B3GALNT2: variants seen among roughly 807,000 people sequenced by gnomAD.
The protein encoded by B3GALNT2 is UDP-GalNAc:beta-1,3-N-acetylgalactosaminyltransferase 2.
B3GALNT2 carries 53 observed loss-of-function variants against 61.1 expected under a neutral mutation model. The ratio of observed to expected loss-of-function variants is 0.87; its 90% CI spans 0.70 to 1.09. B3GALNT2 has a LOEUF of 1.09. B3GALNT2 is among the 50% of genes least tolerant of loss of function. B3GALNT2 has a pLI of 0.00. For missense variants in B3GALNT2, 544 were observed against 623.0 expected, an observed-to-expected ratio of 0.87 and a Z score of 1.35; for synonymous variants, 223 against 237.4, an observed-to-expected ratio of 0.94 and a Z score of 0.56.
chr1:235,489,060 A>G lies in B3GALNT2; in HGVS notation c.361+108T>C, dbSNP rs1436277755. 3.0e-6 allele frequency: 4 copies of G among 1,355,294 alleles called. 1 individual carries two copies. The South Asian group carries it at 5.2e-5, about 18-fold the overall frequency. The allele number at this position is 1,355,294 out of a possible 1,614,324, so 84.0% of individuals were successfully genotyped here. On this transcript the variant is annotated intron_variant, in intron 3 of 11. Transcript: ENST00000366600. ...GCAAGACCCTGTCTCTAAAACACATAATAAAATAAAATAATAAAAAATAAA... is the reference window on the plus strand; with the variant it reads ...GCAAGACCCTGTCTCTAAAACACATGATAAAATAAAATAATAAAAAATAAA...
rs752120743 is a variant in B3GALNT2 at position 235,470,956 on chromosome 1, A to C, written c.656T>G (p.Phe219Cys). The change falls in exon 6 of 12, where the codon TTT becomes TGT. Residue 219 changes from phenylalanine (F) to cysteine (C), a missense_variant. Physicochemically the swap from Phe to Cys is radical, Grantham distance 205. Transcript: ENST00000366600. Reference sequence around the variant, plus strand: ...GCTCTCCCACACGATTGTACCTTCAAAGCTCTTTTGTAGAAAGATGAATAG... The same window carrying C: ...GCTCTCCCACACGATTGTACCTTCACAGCTCTTTTGTAGAAAGATGAATAG... ...PVEQFILPES[F>C]EGTIVWESQD... The C allele has an allele frequency of 3.7e-6, 6 of 1,613,790 alleles. No individual in the cohort carries two copies. Among genetic ancestry groups the C allele is most frequent in the Non-Finnish European group, 5.1e-6 (6 of 1,179,806 alleles).
chr1:235,488,789 C>T (rs569744051), intron 3 of B3GALNT2, among the ~76,000 whole-genome samples: 1 of 149,250 alleles, frequency 6.7e-6, no homozygotes, highest in South Asian at 2.2e-4. Flanking sequence ...CATGGTGGCT[C>T]ATGCCTGCAA....
At chr1:235,452,975 C>G in intron 11 of B3GALNT2, 115 bp downstream of exon 11, 6 of 926,176 alleles carry the variant, frequency 6.5e-6, no homozygotes, top group Non-Finnish European at 9.9e-6. Context: ...CCAAAAAAAT[C>G]TGAAATCCTA....
At chr1:235,471,866 T>C (rs1026937456) in intron 5 of B3GALNT2, among the ~76,000 whole-genome samples, 2 of 152,182 alleles carry the variant, frequency 1.3e-5, no homozygotes, top group Non-Finnish European at 2.9e-5. Context: ...TTTCGCCATG[T>C]TGGCCAGGCT....
intron 4 of B3GALNT2, among the ~76,000 whole-genome samples, chr1:235,481,004 A>ACATTTC (rs962889440): frequency 2.7e-5 from 4 of 150,204 alleles, no homozygotes; most frequent in Non-Finnish European, 5.9e-5. Flanking sequence ...CTTCCAGGCA[A>ACATTTC]CATTTCCTCA....
chr1:235,502,806 CAA>C (rs1685642160), intron 1 of B3GALNT2, among the ~76,000 whole-genome samples: 1 of 152,184 alleles, frequency 6.6e-6, no homozygotes, highest in Non-Finnish European at 1.5e-5. Flanking sequence ...TCACTCATAA[CAA>C]AAGAGAGAAA....
At position 235,470,773 on chromosome 1, in the gene B3GALNT2, A is replaced by G. The variant is rs536250822; in HGVS notation, c.762+77T>C. ...ATTGCTCCATGCTGCCTGGGCTCTA[A>G]GGTAAATTTTAGAACAATTTTATAT... On this transcript the variant is annotated intron_variant, in intron 6 of 11. Coordinates refer to ENST00000366600, the MANE Select transcript of B3GALNT2 (RefSeq NM_152490.5). 47 of 1,545,170 alleles carry G rather than the reference A, an allele frequency of 3.0e-5. No individual in the cohort carries two copies. In the African/African-American group the frequency reaches 5.7e-4, roughly 19 times the overall value.
At position 235,451,488 on chromosome 1, in the gene B3GALNT2, A is replaced by AAAAAG. The variant is rs1553342379; in HGVS notation, c.1369-1153_1369-1149dup. 138 of 151,976 alleles carry AAAAAG rather than the reference A, an allele frequency of 9.1e-4. 1 individual carries two copies. The highest frequency in any genetic ancestry group is 3.0e-3 in the African/African-American group (125 of 41,450). 9.4% of individuals were successfully genotyped at this position (151,976 alleles called of 1,614,324 possible). A position where few individuals can be genotyped will look rare whatever the true frequency, so the allele number is the denominator to read the frequency against. On this transcript the variant is annotated intron_variant, in intron 11 of 11. Transcript: ENST00000366600. ...AGATGGTCACAAAAAAAAAAAAAAA[A>AAAAAG]AAAAGACCGCATCAGAAAACAAGCG...
downstream of B3GALNT2, chr1:235,442,965 T>C (rs1464576252): frequency 3.2e-6 from 5 of 1,581,504 alleles, no homozygotes; most frequent in Non-Finnish European, 4.3e-6. Context: ...GGCCTAGGTA[T>C]GAGTCAGCTA....
At chr1:235,469,050 T>C (rs192201164) in intron 6 of B3GALNT2, among the ~76,000 whole-genome samples, 1 of 152,302 alleles carries the variant, frequency 6.6e-6, no homozygotes, top group East Asian at 1.9e-4. Context: ...CCTACAAATC[T>C]AAATGTATAA....
chr1:235,497,575 A>T (rs1488300213), intron 1 of B3GALNT2, among the ~76,000 whole-genome samples: 1 of 152,242 alleles, frequency 6.6e-6, no homozygotes, highest in Non-Finnish European at 1.5e-5. Flanking sequence ...ATCACTTTTA[A>T]TTCCAATAAT....
At chr1:235,483,714 T>C (rs1684662009) in intron 4 of B3GALNT2, among the ~76,000 whole-genome samples, 1 of 151,134 alleles carries the variant, frequency 6.6e-6, no homozygotes, top group African/African-American at 2.5e-5. Context: ...TAGAATGTAG[T>C]TAGTGGCTAT....
rs771592523 is a variant in B3GALNT2 at position 235,447,784 on chromosome 1, GA to G, written c.*2421del. Among the ~76,000 whole-genome samples the G allele has an allele frequency of 1.7e-4, 26 of 152,292 alleles. No homozygotes were observed. The highest frequency in any genetic ancestry group is 3.8e-4 in the Non-Finnish European group (26 of 68,028). ...CAGATTAAGAAAGAAATACACTACT[GA>G]AATGGTATGAAACTCACTGTCAAAG... On this transcript the variant is annotated 3_prime_UTR_variant, in exon 12 of 12. Transcript: ENST00000366600.
chr1:235,469,830 C>T (rs1201684582), intron 6 of B3GALNT2, among the ~76,000 whole-genome samples: 1 of 151,506 alleles, frequency 6.6e-6, no homozygotes, highest in Non-Finnish European at 1.5e-5. Context: ...CCAAAGTGCT[C>T]GGATTACAGG....
At position 235,448,652 on chromosome 1, in the gene B3GALNT2, C is replaced by T. The variant is rs372967513; in HGVS notation, c.*1554G>A. ...TCTGTCTTAATCACATCCTTCCCCACCTTCGTTCTAATTTTAGAAGCCGGG... is the reference window on the plus strand; with the variant it reads ...TCTGTCTTAATCACATCCTTCCCCATCTTCGTTCTAATTTTAGAAGCCGGG... On this transcript the variant is annotated 3_prime_UTR_variant, in exon 12 of 12. Coordinates refer to ENST00000366600, the MANE Select transcript of B3GALNT2 (RefSeq NM_152490.5). 2.8e-5 allele frequency: 45 copies of T among 1,603,294 alleles called. No homozygotes were observed. The African/African-American group carries it at 5.5e-4, about 20-fold the overall frequency.
downstream of B3GALNT2, among the ~76,000 whole-genome samples, chr1:235,445,593 G>A (rs903232123): frequency 6.6e-6 from 1 of 152,118 alleles, no homozygotes; most frequent in Non-Finnish European, 1.5e-5. Context: ...CTGTGATTGA[G>A]CCACTGCAAT....
intron 5 of B3GALNT2, among the ~76,000 whole-genome samples, chr1:235,474,853 C>T (rs1000009882): frequency 1.0e-4 from 15 of 149,350 alleles, no homozygotes; most frequent in Admixed American, 6.7e-4. Flanking sequence ...CTAACAATAA[C>T]GTCGCTAGTG....
In B3GALNT2 at chr1:235,454,138, T is replaced by C. The variant is rs1683056375; in HGVS notation, c.1311+18A>G. 1.3e-6 allele frequency: 2 copies of C among 1,582,418 alleles called. No homozygotes were observed. The highest frequency in any genetic ancestry group is 1.7e-6 in the Non-Finnish European group (2 of 1,162,684). On this transcript the variant is annotated intron_variant, in intron 10 of 11. Transcript: ENST00000366600. The stretch of plus-strand genomic sequence containing the variant: ...ACTGGCAAGAGCCACCACGCCAAGC[T>C]AAGAAATTCTTAATTACCTGATAGG...
intron 5 of B3GALNT2, among the ~76,000 whole-genome samples, chr1:235,474,459 T>C (rs144073793): frequency 8.7e-4 from 132 of 152,288 alleles, no homozygotes; most frequent in Non-Finnish European, 1.6e-3. Flanking sequence ...TCTGTGCCTA[T>C]AAACATTAAC....
Sources: gnomAD v4.1 joint callset for allele counts (sites outside exome capture counted in the v4.1 genomes callset) on GRCh38, gnomAD v4.1.1 for gene constraint, MANE v1.5 for transcripts, NCBI Gene and HGNC (gene_info 2026-07-23, HGNC 2026-07-21) for gene names.